The following ABCB1 variants were observed in gnomAD, a reference collection of about 807,000 sequenced individuals.
ABCB1 encodes the protein ATP binding cassette subfamily B member 1, also known as ATP-dependent translocase ABCB1.
Under a neutral mutation model 142.0 loss-of-function variants are expected in ABCB1, and 69 were observed. The ratio of observed to expected loss-of-function variants is 0.49; its 90% CI spans 0.40 to 0.59. ABCB1 has a LOEUF of 0.59. Among genes scored for constraint, ABCB1 ranks in the 20% least tolerant of loss-of-function variants. The pLI, the probability that ABCB1 is intolerant of heterozygous loss-of-function variation, is 0.00. For synonymous variants in ABCB1, 532 were observed against 539.2 expected (o/e 0.99, Z 0.18); for missense variants, 1,326 against 1,554.7 (o/e 0.85, Z 2.47).
intron 1 of ABCB1, among the ~76,000 whole-genome samples, chr7:87,640,871 G>A (rs1229133673): frequency 6.6e-6 from 1 of 151,842 alleles, no homozygotes; most frequent in African/African-American, 2.4e-5. Flanking sequence ...ATTTTTATTT[G>A]ATTTTTTAAA....
intron 1 of ABCB1, among the ~76,000 whole-genome samples, chr7:87,619,601 T>C (rs1359238219): frequency 6.6e-6 from 1 of 152,058 alleles, no homozygotes; most frequent in Non-Finnish European, 1.5e-5. Flanking sequence ...ATTCTTCTTT[T>C]TCTTACTAAG....
chr7:87,603,119 C>A (rs537924508), upstream of ABCB1: 1 of 152,200 alleles, frequency 6.6e-6, no homozygotes, highest in Non-Finnish European at 1.5e-5. Flanking sequence ...TGCCTCTCTG[C>A]TGCAGTCTGT....
At chr7:87,615,936 G>T (rs1019175976) in intron 1 of ABCB1, among the ~76,000 whole-genome samples, 1 of 152,190 alleles carries the variant, frequency 6.6e-6, no homozygotes, top group African/African-American at 2.4e-5. Context: ...ATATTCAGAA[G>T]ACTGAGAAAG....
intron 21 of ABCB1, chr7:87,521,928 T>C: frequency 2.6e-6 from 2 of 779,940 alleles, no homozygotes; most frequent in Non-Finnish European, 4.6e-6. Flanking sequence ...TTGACGACCA[T>C]GACTCCATGG....
rs1471137328 is a variant in ABCB1, at chr7:87,638,891, A to G, written c.-330-37813T>C. On this transcript the variant is annotated intron_variant, in intron 1 of 28. Coordinates refer to the ABCB1 transcript ENST00000265724. Reference sequence around the variant, plus strand: ...TTGTCGGCTGGGCATGGTGGCTCACACCTGTAATCCCAGCACTTTGGGAGG... The same window carrying G: ...TTGTCGGCTGGGCATGGTGGCTCACGCCTGTAATCCCAGCACTTTGGGAGG... 2.6e-5 allele frequency among the ~76,000 whole-genome samples: 4 copies of G among 152,230 alleles called. No individual in the cohort carries two copies. The South Asian group carries it at 8.3e-4, about 32-fold the overall frequency.
intron 4 of ABCB1, among the ~76,000 whole-genome samples, chr7:87,585,178 A>G (rs1370898415): frequency 6.6e-6 from 1 of 152,184 alleles, no homozygotes; most frequent in East Asian, 1.9e-4. Flanking sequence ...ACCCATGTTC[A>G]ATCTGTTAGG....
At chr7:87,505,249 G>A (rs554321232) in intron 27 of ABCB1, among the ~76,000 whole-genome samples, 1 of 152,282 alleles carries the variant, frequency 6.6e-6, no homozygotes, top group South Asian at 2.1e-4. Context: ...ACAGGTGTGA[G>A]CCACGGCAGT....
chr7:87,669,626 T>C (rs987016983), intron 1 of ABCB1, among the ~76,000 whole-genome samples: 2 of 152,222 alleles, frequency 1.3e-5, no homozygotes, highest in African/African-American at 4.8e-5. Context: ...TTCCTTTCTA[T>C]ATAGTGCTCC....
At chr7:87,646,761 G>T (rs1823043250) in intron 1 of ABCB1, among the ~76,000 whole-genome samples, 1 of 149,560 alleles carries the variant, frequency 6.7e-6, no homozygotes, top group African/African-American at 2.4e-5. Context: ...CATTATTCTT[G>T]TGTATTGTCA....
At chr7:87,605,683 A>G (rs1319084154), upstream of ABCB1, among the ~76,000 whole-genome samples, 2 of 152,176 alleles carry the variant, frequency 1.3e-5, no homozygotes, top group African/African-American at 4.8e-5. Context: ...CACTGCTCAA[A>G]AGACTTGATT....
intron 3 of ABCB1, among the ~76,000 whole-genome samples, chr7:87,592,663 T>C (rs771591915): frequency 6.6e-6 from 1 of 152,228 alleles, no homozygotes; most frequent in Admixed American, 6.5e-5. Flanking sequence ...TGATTTTGAA[T>C]GCATTACTTA....
intron 4 of ABCB1, among the ~76,000 whole-genome samples, chr7:87,574,754 T>C (rs1457235726): frequency 6.6e-6 from 1 of 152,192 alleles, no homozygotes; most frequent in African/African-American, 2.4e-5. Flanking sequence ...GCAGAGTGAC[T>C]CATCTTGCAA....
At chr7:87,563,749 G>A (rs1011356200) in intron 7 of ABCB1, among the ~76,000 whole-genome samples, 1 of 151,820 alleles carries the variant, frequency 6.6e-6, no homozygotes, top group Non-Finnish European at 1.5e-5. Flanking sequence ...ACAAAACAAG[G>A]ATGGAATCAA....
intron 1 of ABCB1, among the ~76,000 whole-genome samples, chr7:87,637,718 G>C (rs551927302): frequency 6.6e-6 from 1 of 152,040 alleles, no homozygotes; most frequent in Admixed American, 6.5e-5. Context: ...TCTTGTGGTT[G>C]TTGGTATATC....
chr7:87,609,075 T>A (rs555474039), intron 1 of ABCB1, among the ~76,000 whole-genome samples: 1 of 152,240 alleles, frequency 6.6e-6, no homozygotes, highest in South Asian at 2.1e-4. Flanking sequence ...AGTAGGCAGA[T>A]AGATAACAAC....
At chr7:87,504,628 A>C (rs549604793) in intron 27 of ABCB1, among the ~76,000 whole-genome samples, 179 bp from the exon 28 acceptor site, 1 of 152,084 alleles carries the variant, frequency 6.6e-6, no homozygotes, top group Non-Finnish European at 1.5e-5. Context: ...ACACGGTGAA[A>C]CCCCATCTCT....
At chr7:87,702,165 A>C (rs868335449) in intron 1 of ABCB1, among the ~76,000 whole-genome samples, 5 of 149,908 alleles carry the variant, frequency 3.3e-5, no homozygotes, top group African/African-American at 7.4e-5. Flanking sequence ...AAAAAAAAAA[A>C]AAAAAAACAG....
chr7:87,590,485 T>C (rs970459676), intron 3 of ABCB1, among the ~76,000 whole-genome samples: 1 of 152,164 alleles, frequency 6.6e-6, no homozygotes, highest in Admixed American at 6.5e-5. Flanking sequence ...CTGGTTTAGA[T>C]TGGCTGGTCA....
intron 19 of ABCB1, 100 bp from the exon 20 acceptor site, chr7:87,536,641 C>A: frequency 1.0e-6 from 1 of 972,168 alleles, no homozygotes. Flanking sequence ...ACTTATACCC[C>A]CTGCATTTAG....
Sources: gnomAD v4.1 joint callset for allele counts (sites outside exome capture counted in the v4.1 genomes callset) on GRCh38, gnomAD v4.1.1 for gene constraint, MANE v1.5 for transcripts, NCBI Gene and HGNC (gene_info 2026-07-23, HGNC 2026-07-21) for gene names.